SHROOM3: variants seen among roughly 807,000 people sequenced by gnomAD.
SHROOM3 encodes the protein shroom family member 3.
Under a neutral mutation model 138.6 loss-of-function variants are expected in SHROOM3, and 47 were observed. The observed-to-expected ratio is 0.34, with a 90% CI of 0.27 to 0.43. The LOEUF (loss-of-function observed/expected upper bound fraction) is 0.43, where lower values mean the gene tolerates loss of function less well. SHROOM3 is among the 20% of genes least tolerant of loss of function. The pLI, the probability that SHROOM3 is intolerant of heterozygous loss-of-function variation, is 1.00. For missense variants in SHROOM3, 2,491 were observed against 2,596.5 expected, an observed-to-expected ratio of 0.96 and a Z score of 0.88; for synonymous variants, 1,062 against 1,063.3, an observed-to-expected ratio of 1.00 and a Z score of 0.02.
chr4:76,659,382 C>T (rs1560582717), intron 2 of SHROOM3, among the ~76,000 whole-genome samples: 1 of 152,216 alleles, frequency 6.6e-6, no homozygotes, highest in Non-Finnish European at 1.5e-5. Context: ...ATCTAGCCAT[C>T]TGGGCTCCTT....
At position 76,646,359 on chromosome 4, in the gene SHROOM3, A is replaced by G. The variant is rs963174972; in HGVS notation, c.324-63797A>G. 3.3e-5 allele frequency among the ~76,000 whole-genome samples: 5 copies of G among 151,588 alleles called. No individual in the cohort carries two copies. The South Asian group carries it at 8.4e-4, about 25-fold the overall frequency. On this transcript the variant is annotated intron_variant, in intron 2 of 10. Transcript: ENST00000296043. ...TCATCCTTCTTAGACCAAACAGAAA[A>G]CATCGAATAGTTTTTATACTTTACC...
chr4:76,675,492 C>T (rs1006019459), intron 2 of SHROOM3, among the ~76,000 whole-genome samples: 9 of 151,956 alleles, frequency 5.9e-5, no homozygotes. Flanking sequence ...CTGTAGGTAC[C>T]CAGAAGAGTA....
intron 2 of SHROOM3, among the ~76,000 whole-genome samples, chr4:76,573,265 T>C (rs1733866996): frequency 6.6e-6 from 1 of 151,438 alleles, no homozygotes; most frequent in Admixed American, 6.6e-5. Context: ...TTGAATTTAT[T>C]TTAGTCAAAG....
intron 2 of SHROOM3, among the ~76,000 whole-genome samples, chr4:76,669,517 G>T (rs1001426245): frequency 2.0e-5 from 3 of 152,002 alleles, no homozygotes; most frequent in Non-Finnish European, 2.9e-5. Flanking sequence ...GGGAGGCTGA[G>T]GTGGGAGAAT....
intron 2 of SHROOM3, chr4:76,586,224 C>T (rs1734149834): frequency 1.0e-6 from 1 of 984,218 alleles, no homozygotes; most frequent in Non-Finnish European, 1.2e-6. Context: ...TTGTGTTTGG[C>T]TAATCAGGGC....
At chr4:76,568,438 A>G (rs1309723647) in intron 2 of SHROOM3, among the ~76,000 whole-genome samples, 1 of 152,134 alleles carries the variant, frequency 6.6e-6, no homozygotes, top group Non-Finnish European at 1.5e-5. Flanking sequence ...TATCTTCACT[A>G]TCCTTCTATT....
chr4:76,695,779 C>T (rs1340017056), intron 2 of SHROOM3, among the ~76,000 whole-genome samples: 2 of 152,210 alleles, frequency 1.3e-5, no homozygotes, highest in Admixed American at 6.5e-5. Context: ...GTCCTGACAT[C>T]AAAGCCTCTC....
chr4:76,508,834 A>G (rs1267856600), intron 1 of SHROOM3, among the ~76,000 whole-genome samples: 1 of 152,218 alleles, frequency 6.6e-6, no homozygotes, highest in Non-Finnish European at 1.5e-5. Flanking sequence ...TGTTGCTCAT[A>G]GTTATGGAGT....
chr4:76,757,176 C>A, intron 8 of SHROOM3: 1 of 528,878 alleles, frequency 1.9e-6, no homozygotes. Flanking sequence ...CCATTGTTAA[C>A]GTTGTGTGTC....
intron 2 of SHROOM3, among the ~76,000 whole-genome samples, chr4:76,653,636 G>A (rs1264238992): frequency 6.6e-6 from 1 of 152,070 alleles, no homozygotes; most frequent in African/African-American, 2.4e-5. Flanking sequence ...CACCATCTCA[G>A]CTCACTGCAA....
Position 76,741,284 on chromosome 4 carries a change from G to T in SHROOM3, c.3111G>T (p.Pro1037=). The T allele has an allele frequency of 6.2e-7, 1 of 1,612,048 alleles. No homozygotes were observed. The change falls in exon 5 of 11, where the codon CCG becomes CCT. Residue 1037 remains proline (P), a synonymous_variant. Coordinates refer to ENST00000296043, the MANE Select transcript of SHROOM3 (RefSeq NM_020859.4). This position sits in a 1 kb window ranked among gnomAD's most constrained non-coding sequence, Gnocchi z 6.2. ...TGGGGATCGTGGAGGAGGCCGAACC[G>T]GCACCCCTGGGCCCGCAGAGAAATG... ...NEVGIVEEAE[P]APLGPQRNGM...
intron 10 of SHROOM3, among the ~76,000 whole-genome samples, chr4:76,778,487 G>A (rs1322251654): frequency 4.6e-5 from 7 of 152,134 alleles, no homozygotes; most frequent in Non-Finnish European, 1.0e-4. Flanking sequence ...CTCCCAAAGT[G>A]CTGGAATTAT....
intron 1 of SHROOM3, among the ~76,000 whole-genome samples, chr4:76,509,888 C>T (rs1469385923): frequency 6.6e-6 from 1 of 152,040 alleles, no homozygotes; most frequent in Non-Finnish European, 1.5e-5. Context: ...TACCTTAGGT[C>T]TGAAATTCTC....
rs1216574503 is a variant in SHROOM3, at chr4:76,555,658, G to A, written c.218G>A (p.Gly73Glu). The A allele has an allele frequency of 1.2e-6, 2 of 1,614,006 alleles. No individual in the cohort carries two copies. Among genetic ancestry groups the A allele is most frequent in the African/African-American group, 1.3e-5 (1 of 74,926 alleles). Residue 73 changes from glycine (G) to glutamate (E), a missense_variant, in exon 2 of 11, where the codon GGG becomes GAG. Coordinates refer to ENST00000296043, the MANE Select transcript of SHROOM3 (RefSeq NM_020859.4). ...ADTLSSKLQA[G>E]DEVVHINEVT... Reference sequence around the variant, plus strand: ...ACCCTGAGCTCCAAACTGCAGGCTGGGGATGAGGTTGTGCACATCAATGAG... The same window carrying A: ...ACCCTGAGCTCCAAACTGCAGGCTGAGGATGAGGTTGTGCACATCAATGAG...
chr4:76,771,335 G>A (rs1222984338), intron 10 of SHROOM3, among the ~76,000 whole-genome samples: 2 of 151,192 alleles, frequency 1.3e-5, no homozygotes, highest in South Asian at 2.1e-4. Context: ...CCGAGATCAC[G>A]CCACTGCACT....
chr4:76,606,734 A>G (rs989146009), intron 2 of SHROOM3, among the ~76,000 whole-genome samples: 4 of 152,168 alleles, frequency 2.6e-5, no homozygotes, highest in African/African-American at 9.7e-5. Context: ...ATACATACGT[A>G]CATAAATAAA....
Position 76,754,671 on chromosome 4 carries a change from G to A in SHROOM3, c.4188G>A (p.Gln1396=). The A allele has an allele frequency of 6.2e-7, 1 of 1,614,172 alleles. No individual in the cohort carries two copies. The change falls in exon 7 of 11, where the codon CAG becomes CAA. Residue 1396 remains glutamine, a synonymous_variant. Transcript: ENST00000296043. Reference sequence around the variant, plus strand: ...GAAGCAATGGTCACACCCTGACCCAGCCTCCCGGTCCAAGAGGCTGTGAGG... The same window carrying A: ...GAAGCAATGGTCACACCCTGACCCAACCTCCCGGTCCAAGAGGCTGTGAGG... ...MHRSNGHTLT[Q]PPGPRGCEGD... is the part of the protein sequence containing the mutation.
At chr4:76,687,434 C>T (rs1275437555) in intron 2 of SHROOM3, among the ~76,000 whole-genome samples, 1 of 152,186 alleles carries the variant, frequency 6.6e-6, no homozygotes, top group African/African-American at 2.4e-5. Context: ...TGGGAGTTTA[C>T]ACATACACAC....
intron 1 of SHROOM3, among the ~76,000 whole-genome samples, chr4:76,468,468 G>A (rs1200024482): frequency 2.0e-5 from 3 of 151,970 alleles, no homozygotes; most frequent in African/African-American, 7.2e-5. Context: ...TTTTGTATAG[G>A]TTTTATAATT....
Sources: gnomAD v4.1 joint callset for allele counts (sites outside exome capture counted in the v4.1 genomes callset) on GRCh38, gnomAD v4.1.1 for gene constraint, Gnocchi (gnomAD v3.1) non-coding constraint, MANE v1.5 for transcripts, NCBI Gene and HGNC (gene_info 2026-07-23, HGNC 2026-07-21) for gene names.